The following CEP350 variants were observed in gnomAD, a reference collection of about 807,000 sequenced individuals.
CEP350 encodes the protein centrosome-associated protein 350.
Under a neutral mutation model 331.8 loss-of-function variants are expected in CEP350, and 126 were observed. That is an observed-to-expected ratio of 0.38 (90% CI 0.33 to 0.44). CEP350 has a LOEUF of 0.44. CEP350 is among the 20% of genes least tolerant of loss of function. The probability of loss-of-function intolerance (pLI) is 1.00; values close to 1 mark genes in which losing one functional copy is unlikely to be tolerated. For missense variants in CEP350, 3,406 were observed against 3,634.6 expected (o/e 0.94, Z 1.62); for synonymous variants, 1,200 against 1,259.5 (o/e 0.95, Z 1.00).
intron 28 of CEP350, among the ~76,000 whole-genome samples, chr1:180,078,245 T>A (rs1178201471): frequency 6.6e-6 from 1 of 152,154 alleles, no homozygotes; most frequent in Non-Finnish European, 1.5e-5. Flanking sequence ...TAAGGTGTAG[T>A]GATTAAAATA....
intron 32 of CEP350, among the ~76,000 whole-genome samples, chr1:180,090,045 TG>T (rs1660077163): frequency 1.3e-5 from 2 of 152,142 alleles, no homozygotes; most frequent in South Asian, 4.2e-4. Context: ...GACAGTAATA[TG>T]GGGTGGTTTG....
rs74336278 is a variant in CEP350, at chr1:180,110,316, G to A, written c.9190-681G>A. On this transcript the variant is annotated intron_variant, in intron 37 of 37. Coordinates refer to ENST00000367607, the MANE Select transcript of CEP350 (RefSeq NM_014810.5). The stretch of plus-strand genomic sequence containing the variant: ...ATGGTATGAAAGCAACACACATTCA[G>A]TAGAAACAGTACTTCGATTTTTGAA... 8.5e-5 allele frequency among the ~76,000 whole-genome samples: 13 copies of A among 152,312 alleles called. No individual in the cohort carries two copies. In the East Asian group the frequency reaches 2.3e-3, roughly 27 times the overall value.
chr1:179,991,709 A>ATG (rs1363572570), intron 4 of CEP350, among the ~76,000 whole-genome samples: 2 of 51,100 alleles, frequency 3.9e-5, no homozygotes, highest in East Asian at 9.4e-4. Flanking sequence ...GTGTGTGTGT[A>ATG]TATATATATA....
chr1:180,107,574 A>G (rs1206317482), intron 37 of CEP350, among the ~76,000 whole-genome samples: 1 of 152,230 alleles, frequency 6.6e-6, no homozygotes, highest in Non-Finnish European at 1.5e-5. Context: ...AGACTGAGGC[A>G]GGAGGATCAC....
At position 180,111,479 on chromosome 1, in the gene CEP350, A is replaced by G; in HGVS notation, c.*318A>G. The G allele has an allele frequency of 4.5e-6, 1 of 219,928 alleles. No homozygotes were observed. Among genetic ancestry groups the G allele is most frequent in the Admixed American group, 5.3e-5 (1 of 18,856 alleles). 13.6% of individuals were successfully genotyped at this position (219,928 alleles called of 1,614,324 possible). A position where few individuals can be genotyped will look rare whatever the true frequency, so the allele number is the denominator to read the frequency against. ...CTTACCTCTGAGTTTAGACTAGGGT[A>G]TCACTTCTTTGAGTCTGAAGTCAAG... On this transcript the variant is annotated 3_prime_UTR_variant, in exon 38 of 38. Transcript: ENST00000367607.
chr1:180,067,123 T>C (rs1658592731), intron 27 of CEP350, among the ~76,000 whole-genome samples: 1 of 152,218 alleles, frequency 6.6e-6, no homozygotes, highest in African/African-American at 2.4e-5. Flanking sequence ...AAATCCTAAA[T>C]AACAAGTTTA....
At position 179,992,079 on chromosome 1, in the gene CEP350, G is replaced by T; in HGVS notation, c.253G>T (p.Asp85Tyr). ...ISRKDGRYLD[D>Y]SWVNAPISKS... is the part of the protein sequence containing the mutation. ...TCCTTCAGATGGTAGATACCTGGAT[G>T]ATTCTTGGGTTAATGCTCCAATCTC... Residue 85 changes from aspartate to tyrosine, a missense_variant, in exon 5 of 38, where the codon GAT (aspartate) becomes TAT (tyrosine). Physicochemically the swap from Asp to Tyr is radical, Grantham distance 160 (BLOSUM62 -3). Around this residue, in one of 5 missense-constraint regions of CEP350, gnomAD observed 1,857 missense variants for 1,909.2 expected, o/e 0.97. Coordinates refer to ENST00000367607, the MANE Select transcript of CEP350 (RefSeq NM_014810.5). 1 of 1,544,098 alleles carries T rather than the reference G, an allele frequency of 6.5e-7. No homozygotes were observed. The highest frequency in any genetic ancestry group is 1.3e-5 in the South Asian group (1 of 79,450).
At chr1:179,959,691 T>C (rs1275555080) in intron 1 of CEP350, among the ~76,000 whole-genome samples, 1 of 151,822 alleles carries the variant, frequency 6.6e-6, no homozygotes, top group Non-Finnish European at 1.5e-5. Context: ...GTGGCAGAGG[T>C]TGCAGTGAGC....
intron 25 of CEP350, among the ~76,000 whole-genome samples, chr1:180,056,512 C>T (rs1391016103): frequency 1.6e-5 from 2 of 125,168 alleles, no homozygotes; most frequent in East Asian, 2.8e-4. Context: ...CTCTGTTTCC[C>T]AGGCTGGAGT....
rs1363516834 is a variant in CEP350 at position 180,004,906 on chromosome 1, G to GCTTGCTTTCTTTCTTT, written c.1133-1545_1133-1544insGCTTTCTTTCTTTCTT. ...TGCTTGCTTGCTTGCTTGCTTGCTT[G>GCTTGCTTTCTTTCTTT]CTTTCTTTCTTTCTTTCTTTCTTTC... is the stretch of plus-strand genomic sequence containing the variant. On this transcript the variant is annotated intron_variant, in intron 7 of 37. Coordinates refer to ENST00000367607, the MANE Select transcript of CEP350 (RefSeq NM_014810.5). 4.3e-3 allele frequency among the ~76,000 whole-genome samples: 560 copies of GCTTGCTTTCTTTCTTT among 130,726 alleles called. 4 individuals carry two copies. Among genetic ancestry groups the GCTTGCTTTCTTTCTTT allele is most frequent in the African/African-American group, 7.6e-3 (247 of 32,308 alleles). 85.8% of individuals were successfully genotyped at this position (130,726 alleles called of 152,430 possible).
rs536262389 is a variant in CEP350 at position 179,973,153 on chromosome 1, C to A, written c.-13-13016C>A. ...AAGTGCTGGGATTACAGGCGTGAGC[C>A]ACCTCTCCCGGCCGCAATAGGTACA... On this transcript the variant is annotated intron_variant, in intron 1 of 37. Transcript: ENST00000367607. Among the ~76,000 whole-genome samples the A allele has an allele frequency of 2.7e-4, 41 of 152,288 alleles. No individual in the cohort carries two copies. In the South Asian group the frequency reaches 7.9e-3, roughly 29 times the overall value.
chr1:180,066,239 A>T (rs996665110), intron 27 of CEP350, among the ~76,000 whole-genome samples: 2 of 152,220 alleles, frequency 1.3e-5, no homozygotes, highest in Non-Finnish European at 2.9e-5. Context: ...GTTAAAAATT[A>T]GCTGCTTGTG....
At chr1:180,052,098 C>T in intron 22 of CEP350, 2 of 390,500 alleles carry the variant, frequency 5.1e-6, no homozygotes, top group Non-Finnish European at 1.0e-5. Flanking sequence ...CACACGTATA[C>T]ATGGATTAAT....
intron 25 of CEP350, among the ~76,000 whole-genome samples, chr1:180,054,748 G>A (rs1164992449): frequency 6.6e-6 from 1 of 152,106 alleles, no homozygotes; most frequent in Non-Finnish European, 1.5e-5. Flanking sequence ...CTACCTTCAT[G>A]TAGTAAGTAG....
intron 36 of CEP350, among the ~76,000 whole-genome samples, chr1:180,097,657 T>TC (rs1382046147): frequency 6.6e-6 from 1 of 152,190 alleles, no homozygotes; most frequent in Non-Finnish European, 1.5e-5. Flanking sequence ...ACTACATGCA[T>TC]CAATATAGCA....
chr1:180,069,329 A>G (rs1341903584), intron 27 of CEP350, among the ~76,000 whole-genome samples: 3 of 152,244 alleles, frequency 2.0e-5, no homozygotes, highest in African/African-American at 7.2e-5. Flanking sequence ...AAAAGTACTT[A>G]TTATAGTGTC....
chr1:180,108,380 TC>T (rs1329031190), intron 37 of CEP350, among the ~76,000 whole-genome samples: 2 of 152,074 alleles, frequency 1.3e-5, no homozygotes, highest in African/African-American at 4.8e-5. Flanking sequence ...ATGCCTGTAA[TC>T]CCAGCACTTT....
chr1:179,979,265 G>A (rs1165223037), intron 1 of CEP350, among the ~76,000 whole-genome samples: 1 of 151,962 alleles, frequency 6.6e-6, no homozygotes, highest in African/African-American at 2.4e-5. Flanking sequence ...ATTCTAACTG[G>A]AGTGAGATGA....
intron 28 of CEP350, among the ~76,000 whole-genome samples, chr1:180,076,325 C>T (rs1232742312): frequency 6.6e-6 from 1 of 152,146 alleles, no homozygotes; most frequent in Non-Finnish European, 1.5e-5. Context: ...CCAATCTTAC[C>T]TATCCTGAAT....
Sources: allele counts gnomAD v4.1 joint callset (sites outside exome capture counted in the v4.1 genomes callset), GRCh38; gene constraint gnomAD v4.1.1; regional missense constraint gnomAD v4.1.1; transcripts MANE v1.5; gene names NCBI Gene and HGNC (gene_info 2026-07-23, HGNC 2026-07-21).